GRIA1: variants seen among roughly 807,000 people sequenced by gnomAD.
GRIA1 encodes the protein glutamate ionotropic receptor AMPA type subunit 1, also known as glutamate receptor 1.
GRIA1 carries 31 observed loss-of-function variants against 99.2 expected under a neutral mutation model. The observed-to-expected ratio is 0.31, with a 90% CI of 0.23 to 0.42. The LOEUF (loss-of-function observed/expected upper bound fraction) is 0.42. GRIA1 is among the 10% of genes least tolerant of loss of function. The pLI, the probability that GRIA1 is intolerant of heterozygous loss-of-function variation, is 1.00. For missense variants in GRIA1, 782 were observed against 1,157.5 expected (o/e 0.68, Z 4.71); for synonymous variants, 438 against 432.4 (o/e 1.01, Z -0.16).
rs79165828 is a variant in GRIA1 at position 153,587,625 on chromosome 5, C to T, written c.221-59303C>T. On this transcript the variant is annotated intron_variant, in intron 2 of 15. Transcript: ENST00000285900. ...TAGCTACTAGGTTCCTTTGTCAGGT[C>T]TTGCATCATACCTTTCCCTTCATCT... 9.1e-3 allele frequency among the ~76,000 whole-genome samples: 1,381 copies of T among 152,266 alleles called. 21 individuals carry two copies. Among genetic ancestry groups the T allele is most frequent in the East Asian group, 0.04 (208 of 5,180 alleles).
intron 11 of GRIA1, among the ~76,000 whole-genome samples, chr5:153,728,335 T>C (rs1760731425): frequency 6.7e-6 from 1 of 148,886 alleles, no homozygotes; most frequent in East Asian, 2.0e-4. Flanking sequence ...AAGGACTTCA[T>C]GTCTAAAACA....
intron 2 of GRIA1, among the ~76,000 whole-genome samples, chr5:153,591,897 A>G (rs956176369): frequency 7.2e-5 from 11 of 152,242 alleles, no homozygotes; most frequent in Non-Finnish European, 1.2e-4. Context: ...ATCTCAAAAG[A>G]TAGAAAGTAT....
Position 153,655,885 on chromosome 5 carries a change from C to T in GRIA1, c.699+13C>T. 1 of 1,610,210 alleles carries T rather than the reference C, an allele frequency of 6.2e-7. No homozygotes were observed. Among genetic ancestry groups the T allele is most frequent in the Non-Finnish European group, 8.5e-7 (1 of 1,176,678 alleles). On this transcript the variant is annotated intron_variant, in intron 5 of 15. Transcript: ENST00000285900. ...TCTTGCAAATCTGGTGAGTAGAGCA[C>T]TGCAGGCTCTCAGCTCAAGTCCTTT... is the stretch of plus-strand genomic sequence containing the variant.
chr5:153,759,767 C>A (rs1208873853), intron 11 of GRIA1, among the ~76,000 whole-genome samples: 1 of 152,040 alleles, frequency 6.6e-6, no homozygotes, highest in Non-Finnish European at 1.5e-5. Context: ...AGGCTAATAT[C>A]CCTGATAAAC....
At chr5:153,652,596 C>G (rs1287968208) in intron 4 of GRIA1, among the ~76,000 whole-genome samples, 1 of 152,194 alleles carries the variant, frequency 6.6e-6, no homozygotes, top group East Asian at 1.9e-4. Flanking sequence ...TAATTAACTC[C>G]TCTCTCAAAG....
chr5:153,642,928 A>C (rs1753879266), intron 2 of GRIA1, among the ~76,000 whole-genome samples: 2 of 152,166 alleles, frequency 1.3e-5, no homozygotes, highest in South Asian at 2.1e-4. Flanking sequence ...AACACTTAAG[A>C]CTCCAAATGC....
chr5:153,578,115 C>T (rs189789274), intron 2 of GRIA1, among the ~76,000 whole-genome samples: 24 of 131,244 alleles, frequency 1.8e-4, no homozygotes, highest in African/African-American at 5.7e-4. Flanking sequence ...CACACCATTG[C>T]GCCCCAGCCT....
Position 153,788,177 on chromosome 5 carries a change from C to T in GRIA1, c.2271-6444C>T, listed in dbSNP as rs1448853034. ...GTCTCTCTCATCTCCACAAATGGTC[C>T]CTCAGTCTACACAATCTCAAGGGAA... On this transcript the variant is annotated intron_variant, in intron 13 of 15. Transcript: ENST00000285900. Among the ~76,000 whole-genome samples the T allele has an allele frequency of 5.3e-5, 8 of 152,240 alleles. No individual in the cohort carries two copies. In the East Asian group the frequency reaches 1.5e-3, roughly 29 times the overall value.
At chr5:153,603,060 T>C (rs149690510) in intron 2 of GRIA1, among the ~76,000 whole-genome samples, 32,750 of 151,722 alleles carry the variant, frequency 0.22, 4,173 homozygotes, top group Non-Finnish European at 0.29. Flanking sequence ...CTCCTAATGC[T>C]ATCCCTCCCC....
chr5:153,518,459 C>G (rs1196831273), intron 2 of GRIA1, among the ~76,000 whole-genome samples: 1 of 152,102 alleles, frequency 6.6e-6, no homozygotes. Flanking sequence ...TTTCTTTCTA[C>G]CTGGATTTGA....
At chr5:153,777,423 C>T (rs1235551077) in intron 13 of GRIA1, among the ~76,000 whole-genome samples, 2 of 152,130 alleles carry the variant, frequency 1.3e-5, no homozygotes, top group African/African-American at 4.8e-5. Context: ...AGTTTGACCT[C>T]ACTGGGTAAG....
intron 2 of GRIA1, among the ~76,000 whole-genome samples, chr5:153,640,163 T>C (rs181147612): frequency 3.9e-5 from 6 of 152,358 alleles, no homozygotes; most frequent in Admixed American, 6.5e-5. Flanking sequence ...AGCCCTGTTC[T>C]AATTCTTAGC....
chr5:153,767,981 G>A (rs1233903422), intron 12 of GRIA1, among the ~76,000 whole-genome samples: 1 of 152,178 alleles, frequency 6.6e-6, no homozygotes, highest in African/African-American at 2.4e-5. Context: ...TCTGCATACT[G>A]TTGCCCAGAA....
At chr5:153,714,830 G>A (rs572959857) in intron 11 of GRIA1, among the ~76,000 whole-genome samples, 62 of 152,308 alleles carry the variant, frequency 4.1e-4, no homozygotes, top group African/African-American at 7.2e-4. Context: ...TATGTCCAAC[G>A]GAGATAATAG....
rs186737060 is a variant in GRIA1, at chr5:153,717,960, A to G, written c.1823+11893A>G. ...AGATTCATTTTCTCTTTCACGTCTCATTTTGGGAATGGAAAAAAAATCAAT... is the reference window on the plus strand; with the variant it reads ...AGATTCATTTTCTCTTTCACGTCTCGTTTTGGGAATGGAAAAAAAATCAAT... On this transcript the variant is annotated intron_variant, in intron 11 of 15. Coordinates refer to ENST00000285900, the MANE Select transcript of GRIA1 (RefSeq NM_000827.4). Among the ~76,000 whole-genome samples the G allele has an allele frequency of 5.9e-5, 9 of 152,082 alleles. No individual in the cohort carries two copies. The East Asian group carries it at 1.5e-3, about 26-fold the overall frequency.
intron 2 of GRIA1, among the ~76,000 whole-genome samples, chr5:153,538,395 GAAAC>G (rs1758772286): frequency 6.6e-6 from 1 of 152,124 alleles, no homozygotes; most frequent in Non-Finnish European, 1.5e-5. Flanking sequence ...GAAGCAATGT[GAAAC>G]AAAGACCACA....
intron 11 of GRIA1, among the ~76,000 whole-genome samples, chr5:153,759,998 C>T (rs928834324): frequency 1.3e-5 from 2 of 151,914 alleles, no homozygotes; most frequent in Non-Finnish European, 2.9e-5. Context: ...ATTCAGCAAC[C>T]TTTTATGACG....
chr5:153,810,016 AT>A (rs1374174573), intron 15 of GRIA1, among the ~76,000 whole-genome samples: 1 of 152,188 alleles, frequency 6.6e-6, no homozygotes, highest in Non-Finnish European at 1.5e-5. Flanking sequence ...GGACAGTAAA[AT>A]ATAAGAGTCT....
At chr5:153,781,562 T>C (rs1764631422) in intron 13 of GRIA1, among the ~76,000 whole-genome samples, 1 of 152,168 alleles carries the variant, frequency 6.6e-6, no homozygotes, top group African/African-American at 2.4e-5. Flanking sequence ...GCTTATCACA[T>C]AGACCAGTTC....
Sources: allele counts gnomAD v4.1 joint callset (sites outside exome capture counted in the v4.1 genomes callset), GRCh38; gene constraint gnomAD v4.1.1; transcripts MANE v1.5; gene names NCBI Gene and HGNC (gene_info 2026-07-23, HGNC 2026-07-21).